The following MYLK variants were observed in gnomAD, a reference collection of about 807,000 sequenced individuals.
MYLK encodes the protein myosin light chain kinase, smooth muscle.
In MYLK, 106 loss-of-function variants were observed where a neutral mutation model predicts 203.4. The observed-to-expected ratio is 0.52, with a 90% CI of 0.45 to 0.61. The LOEUF (loss-of-function observed/expected upper bound fraction) is 0.61. Among genes scored for constraint, MYLK ranks in the 20% least tolerant of loss-of-function variants. The pLI is 0.00. For synonymous variants in MYLK, 867 were observed against 959.5 expected (o/e 0.90, Z 1.78); for missense variants, 2,072 against 2,442.3 (o/e 0.85, Z 3.20).
chr3:123,743,054 C>A (rs1002941081), intron 5 of MYLK, among the ~76,000 whole-genome samples: 32 of 152,184 alleles, frequency 2.1e-4, no homozygotes, highest in African/African-American at 7.5e-4. Context: ...GCAGTGATGG[C>A]TGCACAACAC....
intron 4 of MYLK, among the ~76,000 whole-genome samples, chr3:123,777,479 G>T (rs1402011146): frequency 2.0e-5 from 3 of 152,230 alleles, no homozygotes; most frequent in Non-Finnish European, 1.5e-5. Context: ...AAGGTGAACT[G>T]GTCCACCCTG....
chr3:123,765,886 A>C lies in MYLK; in HGVS notation c.166-13348T>G, dbSNP rs143743847. ...AGTAGTAAAATTCATAGAGACAGAA[A>C]GTAGAATGGTGGTTGCCAGGGGCTA... On this transcript the variant is annotated intron_variant, in intron 4 of 33. Transcript: ENST00000360304. 2.3e-3 allele frequency among the ~76,000 whole-genome samples: 351 copies of C among 152,320 alleles called. 3 individuals are homozygous for C. The highest frequency in any genetic ancestry group is 8.2e-3 in the African/African-American group (342 of 41,576).
At chr3:123,815,079 C>T (rs2065703145) in intron 3 of MYLK, among the ~76,000 whole-genome samples, 1 of 152,156 alleles carries the variant, frequency 6.6e-6, no homozygotes, top group South Asian at 2.1e-4. Flanking sequence ...AGGCATGAGC[C>T]ACCACACCTG....
rs191488536 is a variant in MYLK at position 123,723,692 on chromosome 3, G to C, written c.1652-1412C>G. The stretch of plus-strand genomic sequence containing the variant: ...GACATTAGGCTCTCCCAGCTCGGAG[G>C]CTGGGTTAAACTAAAGTTAGCAGCC... On this transcript the variant is annotated intron_variant, in intron 12 of 33. Coordinates refer to ENST00000360304, the MANE Select transcript of MYLK (RefSeq NM_053025.4). Among the ~76,000 whole-genome samples the C allele has an allele frequency of 1.2e-4, 19 of 152,346 alleles. No homozygotes were observed. In the East Asian group the frequency reaches 3.5e-3, roughly 28 times the overall value.
chr3:123,631,796 G>A (rs1408537211), intron 29 of MYLK, among the ~76,000 whole-genome samples: 1 of 151,932 alleles, frequency 6.6e-6, no homozygotes, highest in Non-Finnish European at 1.5e-5. Flanking sequence ...AGGGAAGGGT[G>A]GGCATTTACC....
chr3:123,712,965 A>G (rs950641211), intron 13 of MYLK, among the ~76,000 whole-genome samples: 4 of 152,256 alleles, frequency 2.6e-5, no homozygotes, highest in African/African-American at 9.6e-5. Context: ...GGCTTCACCC[A>G]AGGATTATGG....
intron 3 of MYLK, among the ~76,000 whole-genome samples, chr3:123,823,041 C>G (rs1291268581): frequency 1.3e-5 from 2 of 152,218 alleles, no homozygotes; most frequent in Non-Finnish European, 2.9e-5. Context: ...AAGAGAGCAT[C>G]ATTCCTTGTG....
chr3:123,873,045 A>G (rs2032907827), intron 2 of MYLK, among the ~76,000 whole-genome samples: 1 of 152,136 alleles, frequency 6.6e-6, no homozygotes, highest in Admixed American at 6.5e-5. Flanking sequence ...ATAACCAAAG[A>G]CATTCCTCTC....
chr3:123,754,404 T>C (rs753512367), intron 4 of MYLK, among the ~76,000 whole-genome samples: 2 of 152,240 alleles, frequency 1.3e-5, no homozygotes, highest in East Asian at 1.9e-4. Flanking sequence ...TTATTTACAA[T>C]GTCTGGAAAC....
In MYLK at chr3:123,779,856, A is replaced by C. The variant is rs185657399; in HGVS notation, c.165+13821T>G. Among the ~76,000 whole-genome samples, 131 of 152,280 alleles carry C rather than the reference A, an allele frequency of 8.6e-4. 2 individuals carry two copies. The highest frequency in any genetic ancestry group is 3.5e-4 in the Non-Finnish European group (24 of 68,022). ...TCAGAACACACTTCCTCATTCCCAC[A>C]CGACATGCCAGCACTCAAGGTTGAT... On this transcript the variant is annotated intron_variant, in intron 4 of 33. Coordinates refer to ENST00000360304, the MANE Select transcript of MYLK (RefSeq NM_053025.4).
intron 3 of MYLK, among the ~76,000 whole-genome samples, chr3:123,803,520 C>T (rs1179149326): frequency 6.6e-6 from 1 of 152,122 alleles, no homozygotes; most frequent in Non-Finnish European, 1.5e-5. Context: ...CTCTACACGG[C>T]CTGAAGGGTC....
At chr3:123,847,361 T>C (rs1021167053) in intron 2 of MYLK, among the ~76,000 whole-genome samples, 1 of 152,174 alleles carries the variant, frequency 6.6e-6, no homozygotes, top group Non-Finnish European at 1.5e-5. Context: ...CTTATTGGTA[T>C]GCAAGTAAGA....
At chr3:123,761,800 T>C (rs1159265682) in intron 4 of MYLK, among the ~76,000 whole-genome samples, 1 of 152,102 alleles carries the variant, frequency 6.6e-6, no homozygotes, top group Non-Finnish European at 1.5e-5. Context: ...CCGAGGCAGG[T>C]GGATCGCCTG....
chr3:123,754,316 T>C (rs2063297087), intron 4 of MYLK, among the ~76,000 whole-genome samples: 2 of 152,200 alleles, frequency 1.3e-5, no homozygotes, highest in South Asian at 2.1e-4. Context: ...CAAGACTGCC[T>C]TTCTGTCCCC....
rs747510415 is a variant in MYLK, at chr3:123,752,524, T to C, written c.180A>G (p.Pro60=). Residue 60 remains proline, a synonymous_variant, in exon 5 of 34, where the codon CCA becomes CCG. Transcript: ENST00000360304. ...TTCTGTGCCATGTCACCTGGGGCTC[T>C]GGGTAACCCCGGACCTTCAAGAAAA... ...AKFEGRVRGY[P]EPQVTWHRNG... is the part of the protein sequence containing the mutation. 7 of 1,613,536 alleles carry C rather than the reference T, an allele frequency of 4.3e-6. No homozygotes were observed. In the East Asian group the frequency reaches 1.6e-4, roughly 36 times the overall value.
intron 27 of MYLK, among the ~76,000 whole-genome samples, chr3:123,646,746 A>G (rs1226496188): frequency 6.6e-6 from 1 of 152,222 alleles, no homozygotes; most frequent in Non-Finnish European, 1.5e-5. Context: ...GGGCATGTGG[A>G]GACACAGGAT....
chr3:123,620,526 A>G, intron 31 of MYLK, 190 bp from the exon 32 acceptor site: 2 of 1,449,624 alleles, frequency 1.4e-6, no homozygotes, highest in South Asian at 2.7e-5. Flanking sequence ...TCAGTGTGTC[A>G]GAAGATGTTC....
At chr3:123,651,149 T>C (rs1265825292) in intron 24 of MYLK, among the ~76,000 whole-genome samples, 1 of 152,126 alleles carries the variant, frequency 6.6e-6, no homozygotes, top group Non-Finnish European at 1.5e-5. Flanking sequence ...AAAATGGACA[T>C]GACTTTAAAG....
intron 31 of MYLK, among the ~76,000 whole-genome samples, chr3:123,625,593 G>A (rs1462664863): frequency 2.0e-5 from 3 of 152,126 alleles, no homozygotes; most frequent in African/African-American, 4.8e-5. Context: ...TGGATCACGA[G>A]GTCAGGAGAT....
Sources: gnomAD v4.1 joint callset for allele counts (sites outside exome capture counted in the v4.1 genomes callset) on GRCh38, gnomAD v4.1.1 for gene constraint, MANE v1.5 for transcripts, NCBI Gene and HGNC (gene_info 2026-07-23, HGNC 2026-07-21) for gene names.